Variants in LEPR observed in about 807,000 individuals in gnomAD.
LEPR encodes OB receptor.
A neutral mutation model predicts 114.7 loss-of-function variants in LEPR; 56 were observed. The observed-to-expected ratio is 0.49, with a 90% CI of 0.39 to 0.61. The LOEUF is 0.61. Among genes scored for constraint, LEPR ranks in the 20% least tolerant of loss-of-function variants. The pLI is 0.00. For missense variants in LEPR, 1,202 were observed against 1,352.9 expected (o/e 0.89, Z 1.75); for synonymous variants, 443 against 461.4 (o/e 0.96, Z 0.51).
intron 2 of LEPR, among the ~76,000 whole-genome samples, chr1:65,466,385 G>A (rs1349652900): frequency 2.6e-5 from 4 of 152,170 alleles, no homozygotes; most frequent in African/African-American, 4.8e-5. Flanking sequence ...GGTTTCTGCC[G>A]AGAGATCCGC....
chr1:65,529,937 T>C (rs560035999), intron 2 of LEPR, among the ~76,000 whole-genome samples: 114 of 152,360 alleles, frequency 7.5e-4, no homozygotes, highest in African/African-American at 2.7e-3. Flanking sequence ...TTAGCTCTTT[T>C]TTCTCCATGC....
chr1:65,522,096 C>T (rs968802205), intron 2 of LEPR, among the ~76,000 whole-genome samples: 1 of 152,038 alleles, frequency 6.6e-6, no homozygotes, highest in African/African-American at 2.4e-5. Flanking sequence ...AAAAACTTTC[C>T]AAAAGACATT....
At chr1:65,543,488 C>A (rs1376146910) in intron 2 of LEPR, among the ~76,000 whole-genome samples, 1 of 151,964 alleles carries the variant, frequency 6.6e-6, no homozygotes, top group Non-Finnish European at 1.5e-5. Flanking sequence ...TCCCATTTGT[C>A]AATTTTGGCT....
At chr1:65,499,242 A>G (rs1648318325) in intron 2 of LEPR, among the ~76,000 whole-genome samples, 3 of 152,178 alleles carry the variant, frequency 2.0e-5, no homozygotes, top group Admixed American at 2.0e-4. Flanking sequence ...GGGGAAATAG[A>G]TGGCAAACTA....
intron 17 of LEPR, 43 bp downstream of exon 17, chr1:65,620,066 G>A (rs768969345): frequency 1.4e-6 from 2 of 1,454,216 alleles, no homozygotes; most frequent in Non-Finnish European, 1.9e-6. Context: ...CAATGTGTGT[G>A]CCTAATTTGT....
intron 19 of LEPR, chr1:65,635,347 T>C (rs1658681180): frequency 2.0e-6 from 2 of 984,952 alleles, no homozygotes; most frequent in African/African-American, 1.7e-5. Flanking sequence ...TTGAGCTTTT[T>C]GCCCACAGAT....
chr1:65,582,304 GC>G (rs1655042279), intron 5 of LEPR, among the ~76,000 whole-genome samples: 2 of 152,184 alleles, frequency 1.3e-5, no homozygotes, highest in South Asian at 4.1e-4. Flanking sequence ...TACAAATACT[GC>G]ACTGAAGGTG....
intron 12 of LEPR, 97 bp from the exon 13 acceptor site, chr1:65,609,850 G>T: frequency 6.6e-7 from 1 of 1,522,146 alleles, no homozygotes. Flanking sequence ...TCTTAATTTT[G>T]GAATAGTGTT....
At chr1:65,476,151 T>C (rs576774049) in intron 2 of LEPR, among the ~76,000 whole-genome samples, 1 of 150,062 alleles carries the variant, frequency 6.7e-6, no homozygotes, top group Admixed American at 6.7e-5. Context: ...CCATACTAGA[T>C]GAATGAGTTG....
At position 65,565,609 on chromosome 1, in the gene LEPR, AGTT is replaced by A; in HGVS notation, c.40+5_40+7del. The stretch of plus-strand genomic sequence containing the variant: ...TGTGTGGTTTTGTTACATTGGGGTA[AGTT>A]ATTTGCTCATTTGCTGTTTTAATGC... On this transcript the variant is annotated splice_donor_5th_base_variant and intron_variant, in intron 3 of 19. Coordinates refer to ENST00000349533, the MANE Select transcript of LEPR (RefSeq NM_002303.6). The A allele has an allele frequency of 6.2e-7, 1 of 1,613,836 alleles. No individual in the cohort carries two copies. Among genetic ancestry groups the A allele is most frequent in the Non-Finnish European group, 8.5e-7 (1 of 1,179,930 alleles).
At chr1:65,519,028 T>A (rs1184398301) in intron 2 of LEPR, among the ~76,000 whole-genome samples, 1 of 150,948 alleles carries the variant, frequency 6.6e-6, no homozygotes, top group East Asian at 1.9e-4. Context: ...TCTTTCTCTT[T>A]CTTCTTTTCT....
At chr1:65,481,728 C>T (rs74082064) in intron 2 of LEPR, among the ~76,000 whole-genome samples, 2,439 of 150,996 alleles carry the variant, frequency 0.016, 65 homozygotes, top group African/African-American at 0.055. Context: ...TTATCAAGTT[C>T]AATTTATTCC....
At chr1:65,507,950 A>G (rs1245462020) in intron 2 of LEPR, among the ~76,000 whole-genome samples, 2 of 152,152 alleles carry the variant, frequency 1.3e-5, no homozygotes, top group Non-Finnish European at 2.9e-5. Flanking sequence ...AATGTTGAGC[A>G]TTTTGGTAAA....
chr1:65,544,785 A>G (rs1384537625), intron 2 of LEPR, among the ~76,000 whole-genome samples: 1 of 151,232 alleles, frequency 6.6e-6, no homozygotes, highest in Non-Finnish European at 1.5e-5. Flanking sequence ...AACATTGATA[A>G]ACTTTATTTT....
At chr1:65,595,899 T>C (rs1656031191) in intron 6 of LEPR, among the ~76,000 whole-genome samples, 2 of 152,094 alleles carry the variant, frequency 1.3e-5, no homozygotes, top group Non-Finnish European at 2.9e-5. Flanking sequence ...TCCCTACTTC[T>C]GATGACAAGC....
At chr1:65,597,571 G>A (rs1656151513) in intron 7 of LEPR, among the ~76,000 whole-genome samples, 1 of 152,060 alleles carries the variant, frequency 6.6e-6, no homozygotes, top group Non-Finnish European at 1.5e-5. Context: ...TAAACAGGGA[G>A]AACAGCAGTG....
In LEPR at chr1:65,469,315, A is replaced by G. The variant is rs542881861; in HGVS notation, c.-21+43937A>G. ...AGCTTGTACTTGAAAGTTGAGGACAATGTGGAGAACAAAGAGCTAAGAGCA... is the reference window on the plus strand; with the variant it reads ...AGCTTGTACTTGAAAGTTGAGGACAGTGTGGAGAACAAAGAGCTAAGAGCA... On this transcript the variant is annotated intron_variant, in intron 2 of 19. Transcript: ENST00000349533. 9.7e-4 allele frequency among the ~76,000 whole-genome samples: 147 copies of G among 152,324 alleles called. 1 individual carries two copies. Among genetic ancestry groups the G allele is most frequent in the African/African-American group, 3.4e-3 (142 of 41,572 alleles).
At chr1:65,544,649 C>T (rs1651511933) in intron 2 of LEPR, among the ~76,000 whole-genome samples, 1 of 150,838 alleles carries the variant, frequency 6.6e-6, no homozygotes, top group Non-Finnish European at 1.5e-5. Flanking sequence ...TAGCATGAAG[C>T]AGTGTTGAAT....
In LEPR at chr1:65,616,115, C is replaced by T. The variant is rs755504289; in HGVS notation, c.2103C>T (p.Phe701=). The change falls in exon 15 of 20, where the codon TTC becomes TTT. Residue 701 remains phenylalanine (F), a synonymous_variant. Transcript: ENST00000349533. ...AAGATGTGGGAAATCACACGAAATT[C>T]ACTTTCCTGTGGACAGAGCAAGCAC... ...WSEDVGNHTK[F]TFLWTEQAHT... is the part of the protein sequence containing the mutation. 2 of 1,614,078 alleles carry T rather than the reference C, an allele frequency of 1.2e-6. No individual in the cohort carries two copies. Among genetic ancestry groups the T allele is most frequent in the Non-Finnish European group, 1.7e-6 (2 of 1,180,030 alleles).
Sources: allele counts gnomAD v4.1 joint callset (sites outside exome capture counted in the v4.1 genomes callset), GRCh38; gene constraint gnomAD v4.1.1; transcripts MANE v1.5; gene names NCBI Gene and HGNC (gene_info 2026-07-23, HGNC 2026-07-21).